Variants in VSIR observed in about 807,000 individuals in gnomAD.
The protein encoded by VSIR is V-set immunoregulatory receptor, also known as V-type immunoglobulin domain-containing suppressor of T-cell activation.
Under a neutral mutation model 31.0 loss-of-function variants are expected in VSIR, and 10 were observed. That is an observed-to-expected ratio of 0.32 (90% CI 0.20 to 0.55). VSIR has a LOEUF of 0.55. Among genes scored for constraint, VSIR ranks in the 20% least tolerant of loss-of-function variants. The pLI is 0.93. For missense variants in VSIR, 356 were observed against 416.2 expected (o/e 0.86, Z 1.26); for synonymous variants, 179 against 180.1 (o/e 0.99, Z 0.05).
intron 1 of VSIR, among the ~76,000 whole-genome samples, chr10:71,770,033 G>A (rs892990842): frequency 1.3e-5 from 2 of 152,306 alleles, no homozygotes; most frequent in East Asian, 1.9e-4. Context: ...GGGCTCACAG[G>A]TAGCTGGACG....
intron 1 of VSIR, among the ~76,000 whole-genome samples, chr10:71,770,956 G>A (rs1840670558): frequency 6.6e-6 from 1 of 152,208 alleles, no homozygotes; most frequent in Non-Finnish European, 1.5e-5. Flanking sequence ...TGGGCAGTGG[G>A]TTGTGGATTT....
chr10:71,755,476 C>G lies in VSIR; in HGVS notation c.569-10G>C. On this transcript the variant is annotated splice_polypyrimidine_tract_variant and intron_variant, in intron 3 of 6. Transcript: ENST00000394957. Reference sequence around the variant, plus strand: ...GCTGCAGCCGTGATGTCTGAAAGGGCAGAGAGGTAGCCAAGGTGAAGCCCC... The same window carrying G: ...GCTGCAGCCGTGATGTCTGAAAGGGGAGAGAGGTAGCCAAGGTGAAGCCCC... The G allele has an allele frequency of 6.2e-7, 1 of 1,605,622 alleles. No homozygotes were observed. The highest frequency in any genetic ancestry group is 8.5e-7 in the Non-Finnish European group (1 of 1,175,968).
At chr10:71,760,064 C>CACACACACATATATAT (rs1413371350) in intron 3 of VSIR, among the ~76,000 whole-genome samples, 1,632 of 22,340 alleles carry the variant, frequency 0.073, 496 homozygotes, top group Middle Eastern at 0.12. Flanking sequence ...CATATATATA[C>CACACACACATATATAT]ACACACACAT....
chr10:71,760,314 C>CAT lies in VSIR; in HGVS notation c.568+552_568+553dup, dbSNP rs71018220. On this transcript the variant is annotated intron_variant, in intron 3 of 6. Coordinates refer to ENST00000394957, the MANE Select transcript of VSIR (RefSeq NM_022153.2). ...GTGTATATATATGTATATACACACA[C>CAT]ATATATATATATATATATCCCTGAG... is the stretch of plus-strand genomic sequence containing the variant. 3.6e-3 allele frequency among the ~76,000 whole-genome samples: 296 copies of CAT among 82,424 alleles called. 35 individuals carry two copies. Among genetic ancestry groups the CAT allele is most frequent in the African/African-American group, 4.1e-3 (118 of 28,866 alleles). The allele number at this position is 82,424 out of a possible 152,430, so 54.1% of individuals were successfully genotyped here. A position where few individuals can be genotyped will look rare whatever the true frequency, so the allele number is the denominator to read the frequency against.
intron 4 of VSIR, among the ~76,000 whole-genome samples, chr10:71,753,365 A>G (rs1035240796): frequency 2.0e-5 from 3 of 152,156 alleles, no homozygotes; most frequent in Non-Finnish European, 2.9e-5. Context: ...GCAAAGGTCA[A>G]CTCTTGAATT....
intron 1 of VSIR, among the ~76,000 whole-genome samples, chr10:71,770,128 C>T (rs1421850091): frequency 6.6e-6 from 1 of 152,216 alleles, no homozygotes; most frequent in Non-Finnish European, 1.5e-5. Flanking sequence ...CCTGGGCACT[C>T]CATTAGGCCC....
At chr10:71,759,960 C>CACATACAT (rs1198070941) in intron 3 of VSIR, among the ~76,000 whole-genome samples, 4 of 124,286 alleles carry the variant, frequency 3.2e-5, no homozygotes, top group East Asian at 2.3e-4. Flanking sequence ...TATATACACA[C>CACATACAT]ACATATATAT....
chr10:71,749,811 C>T lies in VSIR; in HGVS notation c.*1442G>A, dbSNP rs1839948659. 1 of 152,428 alleles carries T rather than the reference C, an allele frequency of 6.6e-6. No individual in the cohort carries two copies. The highest frequency in any genetic ancestry group is 1.5e-5 in the Non-Finnish European group (1 of 68,228). 9.4% of individuals were successfully genotyped at this position (152,428 alleles called of 1,614,324 possible). ...CTAGAGGTGCTCCCCTTTTCCATCC[C>T]CCCAACCCCCCAAGCAATTGGGCGA... On this transcript the variant is annotated 3_prime_UTR_variant, in exon 7 of 7. Coordinates refer to ENST00000394957, the MANE Select transcript of VSIR (RefSeq NM_022153.2).
chr10:71,748,212 A>C lies in VSIR; in HGVS notation c.*3041T>G, dbSNP rs1303611058. The C allele has an allele frequency of 6.6e-6, 1 of 151,498 alleles. No homozygotes were observed. The highest frequency in any genetic ancestry group is 2.4e-5 in the African/African-American group (1 of 40,998). 9.4% of individuals were successfully genotyped at this position (151,498 alleles called of 1,614,324 possible). A position where few individuals can be genotyped will look rare whatever the true frequency, so the allele number is the denominator to read the frequency against. On this transcript the variant is annotated 3_prime_UTR_variant, in exon 7 of 7. Transcript: ENST00000394957. ...TGTCCCACTGCACACTCCCAAGTCC[A>C]CCCCGCGAGGAGCACCCCCTGAAAA...
At chr10:71,770,656 A>G (rs940400238) in intron 1 of VSIR, among the ~76,000 whole-genome samples, 11 of 152,090 alleles carry the variant, frequency 7.2e-5, no homozygotes, top group African/African-American at 2.7e-4. Flanking sequence ...CTCCTTGAGG[A>G]TCCCTTTCTT....
rs1840214871 is a variant in VSIR, at chr10:71,758,820, A to G, written c.568+2048T>C. Among the ~76,000 whole-genome samples the G allele has an allele frequency of 1.1e-4, 16 of 152,316 alleles. No homozygotes were observed. In the South Asian group the frequency reaches 3.3e-3, roughly 32 times the overall value. Reference sequence around the variant, plus strand: ...GGTGGGAAGATCAATTGAGCCCAGGAGTTCAAGACCAGCCTGGGCAACATA... The same window carrying G: ...GGTGGGAAGATCAATTGAGCCCAGGGGTTCAAGACCAGCCTGGGCAACATA... On this transcript the variant is annotated intron_variant, in intron 3 of 6. Transcript: ENST00000394957.
intron 1 of VSIR, among the ~76,000 whole-genome samples, chr10:71,767,455 C>G (rs1840577996): frequency 1.3e-5 from 2 of 152,178 alleles, no homozygotes; most frequent in African/African-American, 4.8e-5. Flanking sequence ...TGTGGCTGGC[C>G]CTGCACTAGA....
At chr10:71,767,583 GA>G (rs1295667373) in intron 1 of VSIR, among the ~76,000 whole-genome samples, 1 of 152,214 alleles carries the variant, frequency 6.6e-6, no homozygotes, top group African/African-American at 2.4e-5. Context: ...GGGGCTGTAG[GA>G]AAAGACTATG....
At chr10:71,773,239 T>C in intron 1 of VSIR, 119 bp downstream of exon 1, 1 of 1,165,736 alleles carries the variant, frequency 8.6e-7, no homozygotes, top group Non-Finnish European at 1.2e-6. Flanking sequence ...GTGGGTGGAG[T>C]GGGGTGCACG....
In VSIR at chr10:71,762,006, C is replaced by A. The variant is rs979305204; in HGVS notation, c.103G>T (p.Val35Phe). The A allele has an allele frequency of 6.2e-7, 1 of 1,606,266 alleles. No homozygotes were observed. Among genetic ancestry groups the A allele is most frequent in the African/African-American group, 1.3e-5 (1 of 74,814 alleles). ...ACATACAGGGAATACGGCGTGGCGA[C>A]CTTGAAGGCTGCCACCGGACCTGCT... ...ASLGPVAAFK[V>F]ATPYSLYVCP... The change falls in exon 2 of 7, where the codon GTC (valine) becomes TTC (phenylalanine). Residue 35 changes from valine to phenylalanine, a missense_variant. Transcript: ENST00000394957.
intron 1 of VSIR, among the ~76,000 whole-genome samples, chr10:71,764,004 C>T (rs2132894985): frequency 6.6e-6 from 1 of 152,264 alleles, no homozygotes; most frequent in South Asian, 2.1e-4. Context: ...GTCTGGGAGC[C>T]CCAGATTTTT....
Position 71,747,704 on chromosome 10 carries a change from T to A in VSIR, c.*3549A>T, listed in dbSNP as rs1235661132. On this transcript the variant is annotated 3_prime_UTR_variant, in exon 7 of 7. Coordinates refer to ENST00000394957, the MANE Select transcript of VSIR (RefSeq NM_022153.2). ...AAACAAGTTACAACACATGTGAAAG[T>A]GTGTTGGAAAGCACCAAGTATTCTA... is the stretch of plus-strand genomic sequence containing the variant. 1.3e-5 allele frequency: 2 copies of A among 152,258 alleles called. No individual in the cohort carries two copies. The highest frequency in any genetic ancestry group is 2.9e-5 in the Non-Finnish European group (2 of 68,054). The allele number at this position is 152,258 out of a possible 1,614,324, so 9.4% of individuals were successfully genotyped here. A position where few individuals can be genotyped will look rare whatever the true frequency, so the allele number is the denominator to read the frequency against.
chr10:71,753,449 T>G (rs141912628), intron 4 of VSIR, among the ~76,000 whole-genome samples: 81 of 152,288 alleles, frequency 5.3e-4, no homozygotes, highest in African/African-American at 1.3e-3. Context: ...GTGGGAGTGT[T>G]TAAGGTCAGT....
intron 1 of VSIR, among the ~76,000 whole-genome samples, chr10:71,770,713 G>C (rs1564785644): frequency 6.6e-6 from 1 of 152,202 alleles, no homozygotes; most frequent in Non-Finnish European, 1.5e-5. Context: ...TGTGCGGATA[G>C]GGAGGTGACC....
Sources: allele counts gnomAD v4.1 joint callset (sites outside exome capture counted in the v4.1 genomes callset), GRCh38; gene constraint gnomAD v4.1.1; transcripts MANE v1.5; gene names NCBI Gene and HGNC (gene_info 2026-07-23, HGNC 2026-07-21).